Variants in C12orf42 observed in about 807,000 individuals in gnomAD.
The protein encoded by C12orf42 is uncharacterized protein C12orf42.
Under a neutral mutation model 21.6 loss-of-function variants are expected in C12orf42, and 25 were observed. The observed-to-expected ratio is 1.16, with a 90% CI of 0.84 to 1.62. The LOEUF (loss-of-function observed/expected upper bound fraction) is 1.62, where lower values mean the gene tolerates loss of function less well. Among genes scored for constraint, C12orf42 ranks in the 40% most tolerant of loss-of-function variants. The probability of loss-of-function intolerance (pLI) is 0.00; values close to 1 mark genes in which losing one functional copy is unlikely to be tolerated. For missense variants in C12orf42, 483 were observed against 459.3 expected (o/e 1.05, Z -0.47); for synonymous variants, 174 against 175.0 (o/e 0.99, Z 0.05).
At chr12:103,111,114 C>G in the C12orf42 span, among the ~76,000 whole-genome samples, 4 of 152,078 alleles carry the variant, frequency 2.6e-5, no homozygotes, top group African/African-American at 9.7e-5. Flanking sequence ...TTTATTTATT[C>G]TTTCTATTAC....
the C12orf42 span, among the ~76,000 whole-genome samples, chr12:103,143,429 C>T: frequency 6.6e-6 from 1 of 152,220 alleles, no homozygotes; most frequent in African/African-American, 2.4e-5. Context: ...TCACTCTTTC[C>T]TCTTTGCTCA....
At chr12:103,354,547 A>G (rs1054939602) in intron 4 of C12orf42, among the ~76,000 whole-genome samples, 5 of 152,156 alleles carry the variant, frequency 3.3e-5, no homozygotes, top group African/African-American at 1.2e-4. Flanking sequence ...GTACACTGTA[A>G]GACTTTATCC....
chr12:103,355,427 T>A (rs1029623417), intron 4 of C12orf42, among the ~76,000 whole-genome samples: 1 of 152,164 alleles, frequency 6.6e-6, no homozygotes, highest in Admixed American at 6.6e-5. Context: ...TCAGATGTCA[T>A]ACATTTTGGC....
intron 4 of C12orf42, among the ~76,000 whole-genome samples, chr12:103,286,024 G>A (rs920133270): frequency 6.6e-6 from 1 of 152,004 alleles, no homozygotes; most frequent in Non-Finnish European, 1.5e-5. Context: ...CAAGGCAGGC[G>A]GATTGCAAGG....
chr12:103,488,753 C>T (rs967965081), intron 1 of C12orf42, among the ~76,000 whole-genome samples: 5 of 152,276 alleles, frequency 3.3e-5, no homozygotes, highest in African/African-American at 9.6e-5. Flanking sequence ...GCTATTGAAG[C>T]TTGTGCATGT....
intron 2 of C12orf42, among the ~76,000 whole-genome samples, chr12:103,475,150 A>G (rs1953948239): frequency 1.3e-5 from 2 of 152,190 alleles, no homozygotes; most frequent in South Asian, 2.1e-4. Flanking sequence ...TTTTCTATAG[A>G]GACAAAAAAC....
chr12:103,074,439 T>C, the C12orf42 span, among the ~76,000 whole-genome samples: 1 of 152,064 alleles, frequency 6.6e-6, no homozygotes. Flanking sequence ...GAATACCTCA[T>C]CAAGGAAGCA....
At chr12:103,487,638 C>T (rs953417998) in intron 1 of C12orf42, among the ~76,000 whole-genome samples, 5 of 152,316 alleles carry the variant, frequency 3.3e-5, no homozygotes, top group South Asian at 4.2e-4. Context: ...TCTGGTTGCT[C>T]CTGCATTGGG....
intron 4 of C12orf42, among the ~76,000 whole-genome samples, chr12:103,357,934 G>A (rs186583729): frequency 3.9e-5 from 6 of 152,038 alleles, no homozygotes; most frequent in African/African-American, 9.6e-5. Flanking sequence ...AGATTCTGTC[G>A]GTTGACTGGG....
At chr12:103,358,524 T>C (rs1270684376) in intron 4 of C12orf42, among the ~76,000 whole-genome samples, 1 of 151,968 alleles carries the variant, frequency 6.6e-6, no homozygotes, top group Non-Finnish European at 1.5e-5. Context: ...CTACTCTATA[T>C]GTTTCTTTCT....
intron 4 of C12orf42, among the ~76,000 whole-genome samples, chr12:103,357,977 G>A (rs1187400219): frequency 6.6e-6 from 1 of 151,968 alleles, no homozygotes; most frequent in Non-Finnish European, 1.5e-5. Flanking sequence ...ATCTTAAGCT[G>A]GATATTTTAG....
At chr12:103,326,431 G>T (rs2136971163) in intron 4 of C12orf42, among the ~76,000 whole-genome samples, 1 of 152,266 alleles carries the variant, frequency 6.6e-6, no homozygotes, top group South Asian at 2.1e-4. Flanking sequence ...CCTTGCTCAA[G>T]GCCTTCCAAT....
At chr12:103,154,025 C>CAA in the C12orf42 span, among the ~76,000 whole-genome samples, 12,354 of 51,420 alleles carry the variant, frequency 0.24, 1,963 homozygotes, top group East Asian at 0.72. Flanking sequence ...CAAATCTCAG[C>CAA]AAAAAAAAAA....
chr12:103,050,665 C>G, the C12orf42 span, among the ~76,000 whole-genome samples: 1 of 151,888 alleles, frequency 6.6e-6, no homozygotes, highest in African/African-American at 2.4e-5. Flanking sequence ...CTCAGAGCAA[C>G]CATTGCAGAG....
chr12:103,059,239 A>C, the C12orf42 span, among the ~76,000 whole-genome samples: 6 of 152,300 alleles, frequency 3.9e-5, no homozygotes, highest in South Asian at 1.2e-3. Flanking sequence ...GAATTGGATA[A>C]ATTCCTGGAC....
chr12:103,099,975 T>C, the C12orf42 span, among the ~76,000 whole-genome samples: 3 of 152,222 alleles, frequency 2.0e-5, no homozygotes, highest in Non-Finnish European at 4.4e-5. Flanking sequence ...CACTACAGAA[T>C]ATTTTTGCCA....
the C12orf42 span, among the ~76,000 whole-genome samples, chr12:103,224,928 C>T: frequency 2.4e-4 from 36 of 152,114 alleles, 1 homozygote; most frequent in Admixed American, 1.6e-3. Flanking sequence ...GGAGATTAAT[C>T]GGACACGATC....
the C12orf42 span, among the ~76,000 whole-genome samples, chr12:103,080,152 T>A: frequency 0.023 from 3,439 of 152,226 alleles, 58 homozygotes; most frequent in African/African-American, 0.044. Context: ...CTTTCTGATA[T>A]GGCTGTGGTG....
chr12:103,466,532 A>G (rs548962491), intron 2 of C12orf42, among the ~76,000 whole-genome samples: 1 of 151,600 alleles, frequency 6.6e-6, no homozygotes, highest in African/African-American at 2.4e-5. Context: ...ACTTTTAATA[A>G]TAGGTTATAA....
Sources: gnomAD v4.1 joint callset for allele counts (sites outside exome capture counted in the v4.1 genomes callset) on GRCh38, gnomAD v4.1.1 for gene constraint, MANE v1.5 for transcripts, NCBI Gene and HGNC (gene_info 2026-07-23, HGNC 2026-07-21) for gene names.